Variants in PPP1R9A observed in about 807,000 individuals in gnomAD.
PPP1R9A encodes the protein protein phosphatase 1 regulatory subunit 9A, also known as neurabin-1.
Under a neutral mutation model 141.9 loss-of-function variants are expected in PPP1R9A, and 59 were observed. The ratio of observed to expected loss-of-function variants is 0.42; its 90% confidence interval spans 0.34 to 0.52. PPP1R9A has a LOEUF of 0.52. Among genes scored for constraint, PPP1R9A ranks in the 20% least tolerant of loss-of-function variants. PPP1R9A has a pLI of 0.10. For missense variants in PPP1R9A, 1,444 were observed against 1,611.9 expected, an observed-to-expected ratio of 0.90 and a Z score of 1.78; for synonymous variants, 500 against 569.7, an observed-to-expected ratio of 0.88 and a Z score of 1.74.
chr7:95,032,366 T>C (rs946603320), intron 2 of PPP1R9A, among the ~76,000 whole-genome samples: 1 of 152,214 alleles, frequency 6.6e-6, no homozygotes, highest in Non-Finnish European at 1.5e-5. Context: ...TAATCTTTTT[T>C]TTTTTAAATT....
intron 1 of PPP1R9A, among the ~76,000 whole-genome samples, chr7:94,909,673 A>AT (rs1293650836): frequency 1.4e-5 from 2 of 147,672 alleles, no homozygotes; most frequent in African/African-American, 5.0e-5. Flanking sequence ...TGTGTGTGAG[A>AT]TTTTGATAGG....
intron 2 of PPP1R9A, among the ~76,000 whole-genome samples, chr7:94,994,246 G>A (rs1169431606): frequency 2.0e-5 from 3 of 152,072 alleles, no homozygotes; most frequent in Admixed American, 6.5e-5. Context: ...AGATTCTTCT[G>A]TGTCTTCATT....
intron 2 of PPP1R9A, among the ~76,000 whole-genome samples, chr7:95,044,731 T>A (rs1035673638): frequency 2.0e-4 from 26 of 131,174 alleles, no homozygotes; most frequent in African/African-American, 7.0e-4. Context: ...TATATATATA[T>A]AATATATATA....
intron 8 of PPP1R9A, among the ~76,000 whole-genome samples, chr7:95,246,453 C>CA (rs1798129344): frequency 6.6e-6 from 1 of 152,162 alleles, no homozygotes; most frequent in Non-Finnish European, 1.5e-5. Flanking sequence ...TTTAGTGGTA[C>CA]AACCTGACCT....
chr7:95,249,918 G>A, intron 9 of PPP1R9A, 108 bp from the exon 10 acceptor site: 2 of 1,396,956 alleles, frequency 1.4e-6, no homozygotes, highest in South Asian at 1.6e-5. Context: ...AGTGGATTCA[G>A]TGATTGTTTA....
intron 8 of PPP1R9A, among the ~76,000 whole-genome samples, chr7:95,237,595 A>T (rs538693109): frequency 2.0e-5 from 3 of 152,134 alleles, no homozygotes; most frequent in Non-Finnish European, 1.5e-5. Context: ...ACCAAATCTG[A>T]AAAAGCATAT....
chr7:95,170,992 G>A (rs1027218227), intron 5 of PPP1R9A, among the ~76,000 whole-genome samples: 3 of 151,560 alleles, frequency 2.0e-5, no homozygotes, highest in African/African-American at 7.2e-5. Flanking sequence ...GCATGAAGTA[G>A]TAGTATATTA....
intron 12 of PPP1R9A, among the ~76,000 whole-genome samples, chr7:95,267,579 A>G (rs2153043677): frequency 6.6e-6 from 1 of 152,164 alleles, no homozygotes; most frequent in Non-Finnish European, 1.5e-5. Flanking sequence ...AAATCTAGGT[A>G]GCAAAATTAA....
intron 2 of PPP1R9A, among the ~76,000 whole-genome samples, chr7:95,003,250 T>G (rs1803185402): frequency 6.6e-6 from 1 of 152,132 alleles, no homozygotes; most frequent in Admixed American, 6.6e-5. Flanking sequence ...TAGGAAAAAC[T>G]TGAATAATTA....
In PPP1R9A at chr7:95,131,984, T is replaced by C. The variant is rs2152529792; in HGVS notation, c.1649+11152T>C. Among the ~76,000 whole-genome samples the C allele has an allele frequency of 2.0e-5, 3 of 152,300 alleles. No individual in the cohort carries two copies. The Middle Eastern group carries it at 0.01, about 518-fold the overall frequency. On this transcript the variant is annotated intron_variant, in intron 4 of 19. Transcript: ENST00000433360. ...ATGGAATTTTGTTCTTGCTTTAGCT[T>C]TCAACATGAGTGGTATTGATGTATA...
At chr7:95,194,719 C>CA (rs372060355) in intron 5 of PPP1R9A, among the ~76,000 whole-genome samples, 14,580 of 114,472 alleles carry the variant, frequency 0.13, 1,450 homozygotes, top group East Asian at 0.33. Context: ...CTTACAATAC[C>CA]AAAAAAAAAA....
At chr7:95,084,712 A>G (rs911037741) in intron 2 of PPP1R9A, among the ~76,000 whole-genome samples, 3 of 151,926 alleles carry the variant, frequency 2.0e-5, no homozygotes, top group African/African-American at 7.3e-5. Context: ...TTTTATTTTG[A>G]GATGTGTCTT....
intron 7 of PPP1R9A, among the ~76,000 whole-genome samples, chr7:95,213,074 T>C (rs1246351857): frequency 1.3e-5 from 2 of 151,974 alleles, no homozygotes; most frequent in East Asian, 3.9e-4. Flanking sequence ...TGTGTAGAAA[T>C]GAGGGTGGAC....
At chr7:94,943,663 C>A (rs1459655915) in intron 2 of PPP1R9A, among the ~76,000 whole-genome samples, 1 of 152,100 alleles carries the variant, frequency 6.6e-6, no homozygotes, top group Non-Finnish European at 1.5e-5. Context: ...TATCAAGGTT[C>A]AAGGCAGTGT....
intron 2 of PPP1R9A, among the ~76,000 whole-genome samples, chr7:94,945,917 A>T (rs1281546198): frequency 3.3e-5 from 5 of 152,036 alleles, no homozygotes; most frequent in Admixed American, 3.3e-4. Flanking sequence ...TCATTCTGGG[A>T]ATGTTTCATC....
chr7:94,930,172 A>C (rs1793978207), intron 2 of PPP1R9A, among the ~76,000 whole-genome samples: 1 of 152,154 alleles, frequency 6.6e-6, no homozygotes, highest in Non-Finnish European at 1.5e-5. Flanking sequence ...GGATACTGTG[A>C]GGAGAGGAAA....
At position 95,251,635 on chromosome 7, in the gene PPP1R9A, C is replaced by T. The variant is rs2153007746; in HGVS notation, c.2397-127C>T. The T allele has an allele frequency of 3.6e-6, 3 of 830,584 alleles. No homozygotes were observed. In the East Asian group the frequency reaches 8.3e-5, roughly 23 times the overall value. The allele number at this position is 830,584 out of a possible 1,614,324, so 51.5% of individuals were successfully genotyped here. ...TTCATTACTATACTTTTTCCTCTAA[C>T]TGATTGAATGTTGTCCATTTAAATA... On this transcript the variant is annotated intron_variant, in intron 10 of 19. Coordinates refer to ENST00000433360, the MANE Select transcript of PPP1R9A (RefSeq NM_001166160.2).
intron 8 of PPP1R9A, among the ~76,000 whole-genome samples, chr7:95,233,367 CAG>C (rs987675024): frequency 3.3e-5 from 5 of 150,068 alleles, no homozygotes; most frequent in Non-Finnish European, 7.4e-5. Context: ...CAGGGCCTGT[CAG>C]GGGGTGGGGG....
intron 5 of PPP1R9A, among the ~76,000 whole-genome samples, chr7:95,195,507 G>A (rs1426478323): frequency 6.6e-6 from 1 of 150,898 alleles, no homozygotes; most frequent in East Asian, 2.0e-4. Context: ...TGAACTCCTG[G>A]GCTCAAACAT....
Sources: allele counts gnomAD v4.1 joint callset (sites outside exome capture counted in the v4.1 genomes callset), GRCh38; gene constraint gnomAD v4.1.1; transcripts MANE v1.5; gene names NCBI Gene and HGNC (gene_info 2026-07-23, HGNC 2026-07-21).